The following RASSF2 variants were observed in gnomAD, a reference collection of about 807,000 sequenced individuals.
RASSF2 encodes Ras association domain family member 2, also known as ras association domain-containing protein 2.
In RASSF2, 34 loss-of-function variants were observed where a neutral mutation model predicts 46.3. The ratio of observed to expected loss-of-function variants is 0.73; its 90% CI spans 0.56 to 0.98. RASSF2 has a LOEUF of 0.98. RASSF2 is among the 50% of genes least tolerant of loss of function. RASSF2 has a pLI of 0.00. For synonymous variants in RASSF2, 158 were observed against 162.5 expected (o/e 0.97, Z 0.21); for missense variants, 364 against 431.2 (o/e 0.84, Z 1.38).
At chr20:4,822,722 G>A (rs1342677682) in intron 1 of RASSF2, among the ~76,000 whole-genome samples, 1 of 152,246 alleles carries the variant, frequency 6.6e-6, no homozygotes, top group Non-Finnish European at 1.5e-5. Flanking sequence ...CGGGGAGACC[G>A]CAAAGGGGAA....
chr20:4,802,867 C>A lies in RASSF2; in HGVS notation c.-32-1805G>T, dbSNP rs149035130. Among the ~76,000 whole-genome samples, 4 of 145,762 alleles carry A rather than the reference C, an allele frequency of 2.7e-5. No homozygotes were observed. In the Admixed American group the frequency reaches 2.8e-4, roughly 10 times the overall value. On this transcript the variant is annotated intron_variant, in intron 2 of 11. Coordinates refer to ENST00000379400, the MANE Select transcript of RASSF2 (RefSeq NM_014737.3). ...TATTTTACCACTATATACATATACA[C>A]GTGTATGTGTGTGTGTATATATATA...
rs887037277 is a variant in RASSF2 at position 4,812,635 on chromosome 20, C to A, written c.-33+9694G>T. ...TGATTCAGTAATTCTGGGGTGGGGT[C>A]TGAGAAGGTGCAGTTCTAATAAGCG... On this transcript the variant is annotated intron_variant, in intron 2 of 11. Coordinates refer to ENST00000379400, the MANE Select transcript of RASSF2 (RefSeq NM_014737.3). The surrounding 1 kb of genome is among the most constrained non-coding windows in gnomAD (Gnocchi z 4.0). Among the ~76,000 whole-genome samples, 1 of 152,190 alleles carries A rather than the reference C, an allele frequency of 6.6e-6. No individual in the cohort carries two copies. Among genetic ancestry groups the A allele is most frequent in the African/African-American group, 2.4e-5 (1 of 41,436 alleles).
chr20:4,801,513 C>T (rs1297604394), intron 2 of RASSF2, among the ~76,000 whole-genome samples: 2 of 152,192 alleles, frequency 1.3e-5, no homozygotes, highest in Admixed American at 6.5e-5. Flanking sequence ...TATGTGTCTA[C>T]AGACACCACT....
intron 2 of RASSF2, among the ~76,000 whole-genome samples, chr20:4,821,620 A>G (rs1254579297): frequency 1.3e-5 from 2 of 152,158 alleles, no homozygotes; most frequent in Non-Finnish European, 2.9e-5. Context: ...CTGCTCCTCC[A>G]TCTGCTGAAG....
intron 11 of RASSF2, among the ~76,000 whole-genome samples, chr20:4,784,802 G>A (rs1430490653): frequency 6.6e-6 from 1 of 152,036 alleles, no homozygotes; most frequent in East Asian, 1.9e-4. Context: ...ACTTCGTATG[G>A]TTCAACCTTA....
intron 6 of RASSF2, among the ~76,000 whole-genome samples, chr20:4,792,256 A>AGG (rs1925941184): frequency 8.5e-5 from 3 of 35,418 alleles, no homozygotes; most frequent in Non-Finnish European, 1.5e-4. Flanking sequence ...GGAAGGGGAG[A>AGG]GGAGGGGAGG....
intron 2 of RASSF2, among the ~76,000 whole-genome samples, chr20:4,816,898 G>T (rs1007243564): frequency 3.3e-5 from 5 of 152,158 alleles, no homozygotes; most frequent in Admixed American, 6.5e-5. Flanking sequence ...GAGGTCAGGA[G>T]TTCAAAAGCA....
chr20:4,784,658 A>T (rs1350190728), intron 11 of RASSF2, among the ~76,000 whole-genome samples: 1 of 151,622 alleles, frequency 6.6e-6, no homozygotes, highest in Admixed American at 6.6e-5. Flanking sequence ...CTACGAATTC[A>T]GTGCGTTTGC....
rs1924779074 is a variant in RASSF2, at chr20:4,781,120, G to C, written c.*3153C>G. 1 of 152,090 alleles carries C rather than the reference G, an allele frequency of 6.6e-6. No individual in the cohort carries two copies. The highest frequency in any genetic ancestry group is 6.6e-5 in the Admixed American group (1 of 15,256). 9.4% of individuals were successfully genotyped at this position (152,090 alleles called of 1,614,324 possible). On this transcript the variant is annotated 3_prime_UTR_variant, in exon 12 of 12. Transcript: ENST00000379400. ...TAAAGAGAATTCCCTTTTCTTAAGA[G>C]AGCTTCTTGCTCTTCTGTGGCCAAT...
chr20:4,819,721 C>G (rs1377459715), intron 2 of RASSF2, among the ~76,000 whole-genome samples: 1 of 152,224 alleles, frequency 6.6e-6, no homozygotes, highest in Non-Finnish European at 1.5e-5. Flanking sequence ...TCACACTTCA[C>G]TGAATGCCAA....
At chr20:4,786,107 T>A (rs1925310664) in intron 11 of RASSF2, 124 bp downstream of exon 11, 1 of 784,878 alleles carries the variant, frequency 1.3e-6, no homozygotes, top group Admixed American at 2.3e-5. Context: ...TGGGCAGCCC[T>A]CCAAAGAAAG....
chr20:4,802,032 G>A (rs924013120), intron 2 of RASSF2, among the ~76,000 whole-genome samples: 4 of 151,740 alleles, frequency 2.6e-5, no homozygotes, highest in African/African-American at 4.8e-5. Flanking sequence ...GAGCCACCGC[G>A]CCCAGCAGCA....
intron 2 of RASSF2, among the ~76,000 whole-genome samples, chr20:4,801,271 C>T (rs1926844597): frequency 6.6e-6 from 1 of 152,160 alleles, no homozygotes; most frequent in South Asian, 2.1e-4. Flanking sequence ...GAACAAACAT[C>T]CAAAGGAAAG....
Position 4,790,729 on chromosome 20 carries a change from A to C in RASSF2, c.377-118T>G. 1 of 710,502 alleles carries C rather than the reference A, an allele frequency of 1.4e-6. No individual in the cohort carries two copies. Among genetic ancestry groups the C allele is most frequent in the Non-Finnish European group, 2.0e-6 (1 of 488,352 alleles). 44.0% of individuals were successfully genotyped at this position (710,502 alleles called of 1,614,324 possible). The stretch of plus-strand genomic sequence containing the variant: ...TCTCCACAAATATATATTTTATACA[A>C]ATAATATTTTCTGCTGGGGGAAAAA... On this transcript the variant is annotated intron_variant, in intron 6 of 11. Coordinates refer to ENST00000379400, the MANE Select transcript of RASSF2 (RefSeq NM_014737.3). This position sits in a 1 kb window ranked among gnomAD's most constrained non-coding sequence, Gnocchi z 4.3.
chr20:4,785,155 C>CAAAAAAAA (rs11454727), intron 11 of RASSF2, among the ~76,000 whole-genome samples: 119 of 92,318 alleles, frequency 1.3e-3, no homozygotes, highest in South Asian at 1.6e-3. Context: ...ACTAAAAATA[C>CAAAAAAAA]AAAAAAAAAA....
chr20:4,816,298 C>T (rs1928300946), intron 2 of RASSF2, among the ~76,000 whole-genome samples: 1 of 152,004 alleles, frequency 6.6e-6, no homozygotes, highest in African/African-American at 2.4e-5. Context: ...AGAGTGAGAC[C>T]CTGTCTCAAA....
rs371119796 is a variant in RASSF2 at position 4,787,622 on chromosome 20, A to C, written c.813+11T>G. 194 of 1,614,016 alleles carry C rather than the reference A, an allele frequency of 1.2e-4. No homozygotes were observed. The highest frequency in any genetic ancestry group is 1.6e-4 in the Non-Finnish European group (186 of 1,180,006). Reference sequence around the variant, plus strand: ...CCTGAGGACAGATCGCCTGACCCAAAGGGAACTCACGTCGTAGGTGACTTC... The same window carrying C: ...CCTGAGGACAGATCGCCTGACCCAACGGGAACTCACGTCGTAGGTGACTTC... On this transcript the variant is annotated intron_variant, in intron 10 of 11. Coordinates refer to ENST00000379400, the MANE Select transcript of RASSF2 (RefSeq NM_014737.3).
In RASSF2 at chr20:4,792,535, G is replaced by A. The variant is rs1282476578; in HGVS notation, c.376+4C>T. 4.3e-6 allele frequency: 7 copies of A among 1,613,944 alleles called. No individual in the cohort carries two copies. Among genetic ancestry groups the A allele is most frequent in the African/African-American group, 1.3e-5 (1 of 74,888 alleles). On this transcript the variant is annotated splice_donor_region_variant and intron_variant, in intron 6 of 11. Coordinates refer to ENST00000379400, the MANE Select transcript of RASSF2 (RefSeq NM_014737.3). ...AGCTGGAAGTACCTTCCACTCACATGTACCTGTGGAGCTTGGCATCTGGTC... is the reference window on the plus strand; with the variant it reads ...AGCTGGAAGTACCTTCCACTCACATATACCTGTGGAGCTTGGCATCTGGTC...
chr20:4,780,900 C>T lies in RASSF2; in HGVS notation c.*3373G>A, dbSNP rs1269005068. 1 of 151,074 alleles carries T rather than the reference C, an allele frequency of 6.6e-6. No homozygotes were observed. The highest frequency in any genetic ancestry group is 1.5e-5 in the Non-Finnish European group (1 of 67,910). The allele number at this position is 151,074 out of a possible 1,614,324, so 9.4% of individuals were successfully genotyped here. The stretch of plus-strand genomic sequence containing the variant: ...AGGAGAATCACTTGAACCCCAGAGG[C>T]GGATGTTGCAGTGAGCTGAGATCCC... On this transcript the variant is annotated 3_prime_UTR_variant, in exon 12 of 12. Coordinates refer to ENST00000379400, the MANE Select transcript of RASSF2 (RefSeq NM_014737.3).
Sources: allele counts gnomAD v4.1 joint callset (sites outside exome capture counted in the v4.1 genomes callset), GRCh38; gene constraint gnomAD v4.1.1; non-coding constraint Gnocchi (gnomAD v3.1); transcripts MANE v1.5; gene names NCBI Gene and HGNC (gene_info 2026-07-23, HGNC 2026-07-21).